The following AASS variants were observed in gnomAD, a reference collection of about 807,000 sequenced individuals.
AASS encodes aminoadipate-semialdehyde synthase.
Under a neutral mutation model 105.4 loss-of-function variants are expected in AASS, and 86 were observed. The observed-to-expected ratio is 0.82, with a 90% CI of 0.69 to 0.98. The LOEUF (loss-of-function observed/expected upper bound fraction) is 0.98. AASS is among the 50% of genes least tolerant of loss of function. The pLI is 0.00. For synonymous variants in AASS, 381 were observed against 394.8 expected, an observed-to-expected ratio of 0.96 and a Z score of 0.41; for missense variants, 1,048 against 1,143.2, an observed-to-expected ratio of 0.92 and a Z score of 1.20.
At chr7:122,082,786 A>G in intron 19 of AASS, 1 of 1,282,466 alleles carries the variant, frequency 7.8e-7, no homozygotes, top group Non-Finnish European at 1.0e-6. Context: ...AGGGGAACTC[A>G]CATAGATGGG....
At chr7:122,136,898 C>T (rs192061912) in intron 1 of AASS, among the ~76,000 whole-genome samples, 78 of 152,234 alleles carry the variant, frequency 5.1e-4, no homozygotes, top group African/African-American at 1.6e-3. Flanking sequence ...TGGGATAGGG[C>T]GGGAAAGCAG....
At chr7:122,109,524 A>T (rs932155204) in intron 11 of AASS, among the ~76,000 whole-genome samples, 1 of 152,072 alleles carries the variant, frequency 6.6e-6, no homozygotes, top group African/African-American at 2.4e-5. Context: ...TTTTGGAGAA[A>T]AGTGTCAAGA....
intron 19 of AASS, among the ~76,000 whole-genome samples, chr7:122,083,465 A>G (rs1011385633): frequency 1.3e-5 from 2 of 152,120 alleles, no homozygotes; most frequent in Non-Finnish European, 2.9e-5. Flanking sequence ...AACTGCTGCC[A>G]TATGTCAGAC....
intron 23 of AASS, 146 bp downstream of exon 23, chr7:122,077,692 C>A: frequency 1.0e-6 from 1 of 991,112 alleles, no homozygotes; most frequent in Non-Finnish European, 1.6e-6. Flanking sequence ...GGGGACCTCC[C>A]AGGCAGTCCG....
At chr7:122,076,990 A>T (rs543008875) in intron 23 of AASS, among the ~76,000 whole-genome samples, 1 of 152,286 alleles carries the variant, frequency 6.6e-6, no homozygotes, top group African/African-American at 2.4e-5. Flanking sequence ...ATGAGTTGTA[A>T]CAGGTTTGAT....
intron 1 of AASS, among the ~76,000 whole-genome samples, chr7:122,136,656 T>C (rs751027427): frequency 6.6e-6 from 1 of 152,214 alleles, no homozygotes; most frequent in Non-Finnish European, 1.5e-5. Flanking sequence ...CCTTTGAACA[T>C]ACACAAATGT....
Position 122,115,121 on chromosome 7 carries a change from G to T in AASS, c.996C>A (p.Gly332=), listed in dbSNP as rs1377288758. Residue 332 remains glycine (G), a synonymous_variant, in exon 9 of 24, where the codon GGC becomes GGA. Transcript: ENST00000417368. Reference sequence around the variant, plus strand: ...CTTCCACACCAGCAGGTGAGAACTTGCCCGGAGCCAGGAGACTCTGAGCAT... The same window carrying T: ...CTTCCACACCAGCAGGTGAGAACTTTCCCGGAGCCAGGAGACTCTGAGCAT... The part of the protein sequence containing the change: ...RQDAQSLLAP[G]KFSPAGVEGC... The T allele has an allele frequency of 1.2e-6, 2 of 1,614,036 alleles. No individual in the cohort carries two copies. Among genetic ancestry groups the T allele is most frequent in the Non-Finnish European group, 1.7e-6 (2 of 1,180,026 alleles).
At chr7:122,078,386 G>C (rs545043249) in intron 22 of AASS, among the ~76,000 whole-genome samples, 3 of 152,176 alleles carry the variant, frequency 2.0e-5, no homozygotes, top group African/African-American at 7.2e-5. Flanking sequence ...GGCTAAGGTG[G>C]GCGGATCACG....
At chr7:122,131,054 A>G (rs1013799386) in intron 2 of AASS, among the ~76,000 whole-genome samples, 9 of 151,724 alleles carry the variant, frequency 5.9e-5, no homozygotes, top group Non-Finnish European at 1.3e-4. Context: ...AAAAGAAAAA[A>G]CAATGATAGA....
chr7:122,137,024 C>T (rs1447730574), intron 1 of AASS, among the ~76,000 whole-genome samples: 2 of 152,190 alleles, frequency 1.3e-5, no homozygotes, highest in African/African-American at 2.4e-5. Context: ...TGGGACTGAG[C>T]TTCAGTTTAT....
At chr7:122,085,278 C>A (rs1793566117) in intron 19 of AASS, among the ~76,000 whole-genome samples, 1 of 152,168 alleles carries the variant, frequency 6.6e-6, no homozygotes, top group Admixed American at 6.5e-5. Flanking sequence ...TTGTTTCAAG[C>A]TACCCAATTT....
intron 1 of AASS, among the ~76,000 whole-genome samples, chr7:122,138,805 A>C (rs1796262991): frequency 1.3e-5 from 2 of 152,258 alleles, no homozygotes; most frequent in East Asian, 3.9e-4. Context: ...AAGGGAAAGG[A>C]AAATGACAGA....
chr7:122,077,351 C>T (rs1206787042), intron 23 of AASS, among the ~76,000 whole-genome samples: 1 of 152,088 alleles, frequency 6.6e-6, no homozygotes, highest in African/African-American at 2.4e-5. Flanking sequence ...GATATGAAGA[C>T]TAATAAAACT....
intron 11 of AASS, among the ~76,000 whole-genome samples, chr7:122,109,925 A>C (rs187672781): frequency 2.6e-4 from 40 of 152,190 alleles, no homozygotes; most frequent in Non-Finnish European, 4.7e-4. Context: ...ACAAGGAAGT[A>C]ATACTCAGAA....
intron 1 of AASS, among the ~76,000 whole-genome samples, chr7:122,141,658 C>CAAAAAAA (rs67469054): frequency 2.1e-5 from 2 of 94,634 alleles, no homozygotes; most frequent in African/African-American, 7.4e-5. Context: ...CCTAACCCTG[C>CAAAAAAA]AAAAAAAAAA....
intron 19 of AASS, chr7:122,082,915 T>A (rs567153458): frequency 3.3e-6 from 4 of 1,219,848 alleles, no homozygotes; most frequent in Middle Eastern, 2.2e-4. Context: ...AATGGCTGGA[T>A]AAATAGATTC....
chr7:122,111,084 A>G (rs1794908240), intron 11 of AASS, among the ~76,000 whole-genome samples: 1 of 152,214 alleles, frequency 6.6e-6, no homozygotes, highest in African/African-American at 2.4e-5. Flanking sequence ...CCAGAAGACT[A>G]TGACCAATTC....
intron 15 of AASS, among the ~76,000 whole-genome samples, chr7:122,095,956 A>C (rs1388392675): frequency 6.6e-6 from 1 of 152,148 alleles, no homozygotes; most frequent in African/African-American, 2.4e-5. Context: ...TGGCCTTATA[A>C]TAGGCTGAGA....
chr7:122,129,378 C>G lies in AASS; in HGVS notation c.370G>C (p.Asp124His). The change falls in exon 3 of 24, where the codon GAT (aspartate) becomes CAT (histidine). Residue 124 changes from aspartate to histidine, a missense_variant. Asp to His is a moderately conservative substitution (Grantham distance 81, BLOSUM62 -1). Transcript: ENST00000417368. ...CTAATTACCTGTTTTAGAATCTCATCCAACAAGCCCATATTGGCCTCCTGA... is the reference window on the plus strand; with the variant it reads ...CTAATTACCTGTTTTAGAATCTCATGCAACAAGCCCATATTGGCCTCCTGA... ...KAQEANMGLL[D>H]EILKQEIRLI... The G allele has an allele frequency of 6.2e-7, 1 of 1,605,380 alleles. No homozygotes were observed. The highest frequency in any genetic ancestry group is 8.5e-7 in the Non-Finnish European group (1 of 1,175,048).
Sources: gnomAD v4.1 joint callset for allele counts (sites outside exome capture counted in the v4.1 genomes callset) on GRCh38, gnomAD v4.1.1 for gene constraint, MANE v1.5 for transcripts, NCBI Gene and HGNC (gene_info 2026-07-23, HGNC 2026-07-21) for gene names.